The following FGF12 variants were observed in gnomAD, a reference collection of about 807,000 sequenced individuals.
FGF12 encodes the protein fibroblast growth factor 12B.
In FGF12, 14 loss-of-function variants were observed where a neutral mutation model predicts 23.6. That is an observed-to-expected ratio of 0.59 (90% CI 0.39 to 0.93). FGF12 has a LOEUF of 0.93. Among genes scored for constraint, FGF12 ranks in the 40% least tolerant of loss-of-function variants. FGF12 has a pLI of 0.00. For synonymous variants in FGF12, 62 were observed against 77.3 expected (o/e 0.80, Z 1.04); for missense variants, 175 against 217.8 (o/e 0.80, Z 1.24).
rs371206729 is a variant in FGF12 at position 192,278,564 on chromosome 3, A to G, written c.228+56797T>C. On this transcript the variant is annotated intron_variant, in intron 4 of 5. Transcript: ENST00000445105. Reference sequence around the variant, plus strand: ...AGAATGAGTGTATAATACTTCTAGAATAGATGTGGGCCACATGGCAAAAAA... The same window carrying G: ...AGAATGAGTGTATAATACTTCTAGAGTAGATGTGGGCCACATGGCAAAAAA... 2.6e-5 allele frequency among the ~76,000 whole-genome samples: 4 copies of G among 152,334 alleles called. No individual in the cohort carries two copies. The South Asian group carries it at 6.2e-4, about 24-fold the overall frequency.
chr3:192,506,432 A>T (rs897423367), intron 2 of FGF12, among the ~76,000 whole-genome samples: 6 of 152,118 alleles, frequency 3.9e-5, no homozygotes, highest in Admixed American at 2.0e-4. Context: ...GTGCAGTGGC[A>T]TGATCTCGGC....
chr3:192,201,293 A>C (rs559119669), intron 4 of FGF12, among the ~76,000 whole-genome samples: 2 of 152,348 alleles, frequency 1.3e-5, no homozygotes, highest in South Asian at 4.1e-4. Context: ...AACAGATTTC[A>C]TTATATGTGT....
intron 2 of FGF12, among the ~76,000 whole-genome samples, chr3:192,574,052 C>T (rs962182245): frequency 3.9e-5 from 6 of 152,188 alleles, no homozygotes; most frequent in African/African-American, 1.4e-4. Context: ...TCTTTCCTGT[C>T]CAGATTAAAC....
In FGF12 at chr3:192,246,447, A is replaced by C. The variant is rs180769949; in HGVS notation, c.229-75791T>G. Among the ~76,000 whole-genome samples the C allele has an allele frequency of 2.0e-4, 30 of 152,306 alleles. No individual in the cohort carries two copies. In the East Asian group the frequency reaches 5.6e-3, roughly 28 times the overall value. ...TACACTTTCCTTGACTCAAGATAGC[A>C]TAAGTACTTATTTTTTCAGATAGTA... On this transcript the variant is annotated intron_variant, in intron 4 of 5. Coordinates refer to ENST00000445105, the MANE Select transcript of FGF12 (RefSeq NM_004113.6).
At chr3:192,335,993 CT>C (rs1378163256) in intron 3 of FGF12, among the ~76,000 whole-genome samples, 5 of 151,770 alleles carry the variant, frequency 3.3e-5, no homozygotes, top group African/African-American at 1.2e-4. Flanking sequence ...TCAGACAAAA[CT>C]TTTTTCTTGA....
intron 2 of FGF12, among the ~76,000 whole-genome samples, chr3:192,612,838 A>G (rs1577079144): frequency 6.6e-6 from 1 of 152,072 alleles, no homozygotes; most frequent in South Asian, 2.1e-4. Context: ...GTTTTCCTTT[A>G]TACCCCCTGT....
chr3:192,379,421 T>TAAAAA (rs74271639), intron 2 of FGF12, among the ~76,000 whole-genome samples: 1 of 96,328 alleles, frequency 1.0e-5, no homozygotes, highest in Non-Finnish European at 2.3e-5. Context: ...GAAACTGCTC[T>TAAAAA]AAAAAAAAAA....
intron 5 of FGF12, among the ~76,000 whole-genome samples, chr3:192,163,580 C>A (rs1283720068): frequency 1.3e-5 from 2 of 152,144 alleles, no homozygotes; most frequent in African/African-American, 4.8e-5. Flanking sequence ...TCAATGCCAT[C>A]AGAAATCCCC....
chr3:192,405,012 G>C (rs1210866157), intron 2 of FGF12, among the ~76,000 whole-genome samples: 1 of 144,736 alleles, frequency 6.9e-6, no homozygotes, highest in Non-Finnish European at 1.5e-5. Context: ...CTGCTGTGTT[G>C]CAAGGAAGGT....
Position 192,239,975 on chromosome 3 carries a change from TGCAGGGGGGAAGA to T in FGF12, c.229-69332_229-69320del, listed in dbSNP as rs1347755816. On this transcript the variant is annotated intron_variant, in intron 4 of 5. Transcript: ENST00000445105. ...AAAAAGTTGTATTAGACACTATGGG[TGCAGGGGGGAAGA>T]TCCCAGAAATAATAGTCTTTGAATG... 8.5e-5 allele frequency among the ~76,000 whole-genome samples: 13 copies of T among 152,238 alleles called. 1 individual carries two copies. In the East Asian group the frequency reaches 1.4e-3, roughly 16 times the overall value.
At chr3:192,475,737 G>C (rs1002986670) in intron 2 of FGF12, among the ~76,000 whole-genome samples, 3 of 152,158 alleles carry the variant, frequency 2.0e-5, no homozygotes, top group African/African-American at 7.2e-5. Context: ...ACACGTCAGT[G>C]CAAAAGCTGT....
chr3:192,527,621 G>C (rs1724976841), intron 2 of FGF12, among the ~76,000 whole-genome samples: 1 of 151,974 alleles, frequency 6.6e-6, no homozygotes, highest in Non-Finnish European at 1.5e-5. Flanking sequence ...CAGCATCCTG[G>C]GCTTATGTAA....
intron 2 of FGF12, among the ~76,000 whole-genome samples, chr3:192,518,434 G>A (rs1481026249): frequency 6.6e-6 from 1 of 152,108 alleles, no homozygotes; most frequent in Admixed American, 6.5e-5. Context: ...TATTTAAATT[G>A]TGACTTATCT....
intron 2 of FGF12, among the ~76,000 whole-genome samples, chr3:192,522,683 ATAG>A (rs1441382970): frequency 3.9e-5 from 6 of 152,238 alleles, no homozygotes; most frequent in African/African-American, 1.4e-4. Context: ...ACACTATTTG[ATAG>A]TAGTGATACT....
At chr3:192,508,473 G>A (rs773369893) in intron 2 of FGF12, among the ~76,000 whole-genome samples, 45 of 152,130 alleles carry the variant, frequency 3.0e-4, no homozygotes, top group Admixed American at 4.6e-4. Context: ...ATAAGTACTC[G>A]CTGGATGTCT....
chr3:192,398,594 C>G (rs1405484574), intron 2 of FGF12, among the ~76,000 whole-genome samples: 2 of 152,116 alleles, frequency 1.3e-5, no homozygotes, highest in African/African-American at 4.8e-5. Flanking sequence ...GTTGACCAGA[C>G]TGGTCTCGAA....
At chr3:192,493,881 T>C (rs1368318880) in intron 2 of FGF12, among the ~76,000 whole-genome samples, 1 of 152,112 alleles carries the variant, frequency 6.6e-6, no homozygotes, top group East Asian at 1.9e-4. Context: ...CATTTTAACC[T>C]GAGATTTGGA....
intron 2 of FGF12, among the ~76,000 whole-genome samples, chr3:192,361,646 A>G (rs546694824): frequency 1.3e-5 from 2 of 152,306 alleles, no homozygotes; most frequent in East Asian, 1.9e-4. Flanking sequence ...GCCAAGCAAT[A>G]TGGCAGGCAC....
intron 4 of FGF12, among the ~76,000 whole-genome samples, chr3:192,305,912 G>C (rs1283186163): frequency 7.3e-6 from 1 of 136,602 alleles, no homozygotes; most frequent in Admixed American, 7.6e-5. Flanking sequence ...CCAGGCTGGA[G>C]TGCAGTGGCA....
Sources: allele counts gnomAD v4.1 joint callset (sites outside exome capture counted in the v4.1 genomes callset), GRCh38; gene constraint gnomAD v4.1.1; transcripts MANE v1.5; gene names NCBI Gene and HGNC (gene_info 2026-07-23, HGNC 2026-07-21).